The following NAALADL2 variants were observed in gnomAD, a reference collection of about 807,000 sequenced individuals.
NAALADL2 encodes inactive N-acetylated-alpha-linked acidic dipeptidase-like protein 2.
Under a neutral mutation model 87.2 loss-of-function variants are expected in NAALADL2, and 76 were observed. The ratio of observed to expected loss-of-function variants is 0.87; its 90% CI spans 0.72 to 1.05. The LOEUF (loss-of-function observed/expected upper bound fraction) is 1.05, where lower values mean the gene tolerates loss of function less well. Among genes scored for constraint, NAALADL2 ranks in the 50% least tolerant of loss-of-function variants. NAALADL2 has a pLI of 0.00. For missense variants in NAALADL2, 1,089 were observed against 945.8 expected, an observed-to-expected ratio of 1.15 and a Z score of -1.99; for synonymous variants, 354 against 331.0, an observed-to-expected ratio of 1.07 and a Z score of -0.75.
At chr3:174,599,172 G>C (rs1259019560) in intron 2 of NAALADL2, among the ~76,000 whole-genome samples, 1 of 152,142 alleles carries the variant, frequency 6.6e-6, no homozygotes, top group Non-Finnish European at 1.5e-5. Flanking sequence ...AGTGGCAGCA[G>C]TTGTAAGCTA....
intron 4 of NAALADL2, among the ~76,000 whole-genome samples, chr3:175,321,160 T>A: frequency 6.8e-6 from 1 of 147,738 alleles, no homozygotes; most frequent in East Asian, 2.2e-4. Flanking sequence ...GCTTCATCCC[T>A]GGGATGCAAG....
At chr3:175,786,442 C>A (rs1751974635) in intron 13 of NAALADL2, among the ~76,000 whole-genome samples, 1 of 152,094 alleles carries the variant, frequency 6.6e-6, no homozygotes, top group African/African-American at 2.4e-5. Context: ...TCCTTCATTT[C>A]ATTCATTTCA....
At chr3:175,167,629 T>C (rs1433921340) in intron 2 of NAALADL2, among the ~76,000 whole-genome samples, 5 of 152,098 alleles carry the variant, frequency 3.3e-5, no homozygotes, top group African/African-American at 1.2e-4. Flanking sequence ...ACAGGACTCT[T>C]CTGTGTATCA....
intron 5 of NAALADL2, among the ~76,000 whole-genome samples, chr3:175,383,841 A>G (rs1768063093): frequency 6.6e-6 from 1 of 152,092 alleles, no homozygotes; most frequent in Non-Finnish European, 1.5e-5. Context: ...TATATGCAGC[A>G]AACTAGAAAA....
chr3:175,716,784 G>T (rs576339139), intron 11 of NAALADL2, among the ~76,000 whole-genome samples: 3 of 152,244 alleles, frequency 2.0e-5, no homozygotes, highest in South Asian at 4.1e-4. Context: ...TTCAAAAACA[G>T]ATAAGTCATC....
At chr3:174,731,522 A>G (rs2108983728) in intron 2 of NAALADL2, among the ~76,000 whole-genome samples, 1 of 152,268 alleles carries the variant, frequency 6.6e-6, no homozygotes, top group Middle Eastern at 3.4e-3. Flanking sequence ...AACTTAGAAT[A>G]TCTTTAAAGA....
rs575125425 is a variant in NAALADL2, at chr3:175,336,994, G to A, written c.1090+12669G>A. 2.6e-5 allele frequency among the ~76,000 whole-genome samples: 4 copies of A among 152,098 alleles called. No homozygotes were observed. The South Asian group carries it at 8.3e-4, about 32-fold the overall frequency. On this transcript the variant is annotated intron_variant, in intron 5 of 13. Coordinates refer to ENST00000454872, the MANE Select transcript of NAALADL2 (RefSeq NM_207015.3). ...AGGCTGAAAAGATAATGTGCTTTAG[G>A]CAATTATTTCTAGAATACATCTCAT... is the stretch of plus-strand genomic sequence containing the variant.
chr3:175,287,006 A>T (rs1398700787), intron 4 of NAALADL2, among the ~76,000 whole-genome samples: 1 of 151,672 alleles, frequency 6.6e-6, no homozygotes, highest in East Asian at 1.9e-4. Context: ...GATGGGGCGG[A>T]GGTGGAGTAG....
chr3:174,607,246 A>C (rs576440671), intron 2 of NAALADL2, among the ~76,000 whole-genome samples: 4 of 152,260 alleles, frequency 2.6e-5, no homozygotes, highest in African/African-American at 7.2e-5. Context: ...GACTAGGAAG[A>C]AACTGCATCA....
At chr3:175,273,212 G>A (rs1398512360) in intron 4 of NAALADL2, among the ~76,000 whole-genome samples, 9 of 151,934 alleles carry the variant, frequency 5.9e-5, no homozygotes, top group Admixed American at 2.0e-4. Flanking sequence ...GCTTATTGTA[G>A]GTTGCAATAT....
intron 2 of NAALADL2, among the ~76,000 whole-genome samples, chr3:174,709,735 A>G (rs1040193729): frequency 5.9e-5 from 9 of 152,304 alleles, no homozygotes; most frequent in Admixed American, 5.9e-4. Context: ...AGAAACTACT[A>G]GACACTAGCA....
chr3:175,050,393 C>T (rs1004784365), intron 1 of NAALADL2, among the ~76,000 whole-genome samples: 3 of 152,108 alleles, frequency 2.0e-5, no homozygotes, highest in African/African-American at 7.2e-5. Flanking sequence ...TCCCGAGTAG[C>T]TGGGATCACA....
chr3:175,113,997 C>G (rs1724663519), intron 2 of NAALADL2, among the ~76,000 whole-genome samples: 1 of 151,628 alleles, frequency 6.6e-6, no homozygotes, highest in South Asian at 2.1e-4. Flanking sequence ...TCAAGTGTTA[C>G]TTTGTCTCAA....
intron 11 of NAALADL2, among the ~76,000 whole-genome samples, chr3:175,730,395 G>GATATATATATATATATATATATATAT (rs5854656): frequency 1.8e-5 from 1 of 55,748 alleles, no homozygotes; most frequent in African/African-American, 5.7e-5. Context: ...ACTTAATACA[G>GATATATATATATATATATATATATAT]ATATATATAT....
At chr3:174,732,814 T>A (rs554230757) in intron 2 of NAALADL2, among the ~76,000 whole-genome samples, 1 of 152,290 alleles carries the variant, frequency 6.6e-6, no homozygotes, top group South Asian at 2.1e-4. Flanking sequence ...AAATGGCTAT[T>A]AATAATATTC....
intron 1 of NAALADL2, chr3:174,863,742 G>A (rs373130065): frequency 9.6e-6 from 2 of 207,432 alleles, no homozygotes; most frequent in East Asian, 1.6e-4. Flanking sequence ...CAGAAACCAT[G>A]ACTGTGAGTG....
chr3:175,461,026 G>A (rs1207941695), intron 6 of NAALADL2, among the ~76,000 whole-genome samples: 1 of 152,134 alleles, frequency 6.6e-6, no homozygotes, highest in East Asian at 1.9e-4. Flanking sequence ...TTTACAGAGT[G>A]CTGACTGGTC....
chr3:175,261,319 C>G lies in NAALADL2; in HGVS notation c.939+4789C>G, dbSNP rs547042538. 4.6e-5 allele frequency among the ~76,000 whole-genome samples: 7 copies of G among 152,054 alleles called. No homozygotes were observed. The East Asian group carries it at 7.8e-4, about 17-fold the overall frequency. On this transcript the variant is annotated intron_variant, in intron 4 of 13. Coordinates refer to ENST00000454872, the MANE Select transcript of NAALADL2 (RefSeq NM_207015.3). The stretch of plus-strand genomic sequence containing the variant: ...TATAAAATTCAATGAAAGCATTTGA[C>G]TTTCTACTTAGGGTCATTTCTACCA...
intron 11 of NAALADL2, among the ~76,000 whole-genome samples, chr3:175,688,655 C>G (rs1195577942): frequency 1.3e-5 from 2 of 152,008 alleles, no homozygotes; most frequent in African/African-American, 4.8e-5. Flanking sequence ...AAGGCTCAGG[C>G]AGTTTATGGA....
Sources: gnomAD v4.1 joint callset for allele counts (sites outside exome capture counted in the v4.1 genomes callset) on GRCh38, gnomAD v4.1.1 for gene constraint, MANE v1.5 for transcripts, NCBI Gene and HGNC (gene_info 2026-07-23, HGNC 2026-07-21) for gene names.